The following LNX1 variants were observed in gnomAD, a reference collection of about 807,000 sequenced individuals.
LNX1 encodes the protein E3 ubiquitin-protein ligase LNX.
In LNX1, 54 loss-of-function variants were observed where a neutral mutation model predicts 68.4. That is an observed-to-expected ratio of 0.79 (90% CI 0.63 to 0.99). The LOEUF (loss-of-function observed/expected upper bound fraction) is 0.99. LNX1 is among the 50% of genes least tolerant of loss of function. LNX1 has a pLI of 0.00. For missense variants in LNX1, 906 were observed against 926.4 expected (o/e 0.98, Z 0.29); for synonymous variants, 336 against 350.0 (o/e 0.96, Z 0.45).
intron 2 of LNX1, among the ~76,000 whole-genome samples, chr4:53,516,158 C>G (rs1002895665): frequency 6.6e-6 from 1 of 152,126 alleles, no homozygotes; most frequent in African/African-American, 2.4e-5. Context: ...AGGAGGACTG[C>G]TTGAGCCCAG....
At chr4:53,468,162 C>G (rs1722849556) in intron 9 of LNX1, among the ~76,000 whole-genome samples, 1 of 152,124 alleles carries the variant, frequency 6.6e-6, no homozygotes, top group Non-Finnish European at 1.5e-5. Context: ...ACTCTACAAG[C>G]CAGAAGAGAG....
At chr4:53,475,292 A>T (rs1234215911) in intron 9 of LNX1, among the ~76,000 whole-genome samples, 1 of 152,250 alleles carries the variant, frequency 6.6e-6, no homozygotes, top group Non-Finnish European at 1.5e-5. Flanking sequence ...AAAGATTTTT[A>T]AAAATAAAAC....
intron 6 of LNX1, among the ~76,000 whole-genome samples, chr4:53,482,584 T>C (rs1437467577): frequency 6.6e-6 from 1 of 152,208 alleles, no homozygotes; most frequent in Non-Finnish European, 1.5e-5. Flanking sequence ...AGGCCATTAT[T>C]TTAAGTGAAG....
chr4:53,570,588 A>G (rs1731078718), intron 2 of LNX1, among the ~76,000 whole-genome samples: 1 of 151,634 alleles, frequency 6.6e-6, no homozygotes, highest in Non-Finnish European at 1.5e-5. Flanking sequence ...TGGGTGCAGC[A>G]CACCAGCATG....
At chr4:53,498,251 T>G (rs1378048304) in intron 5 of LNX1, among the ~76,000 whole-genome samples, 1 of 152,142 alleles carries the variant, frequency 6.6e-6, no homozygotes, top group African/African-American at 2.4e-5. Context: ...AAAAACAATT[T>G]AAGAAAATAT....
rs566455165 is a variant in LNX1 at position 53,471,030 on chromosome 4, C to G, written c.1892+5723G>C. Among the ~76,000 whole-genome samples the G allele has an allele frequency of 5.1e-5, 5 of 98,634 alleles. 1 individual carries two copies. The highest frequency in any genetic ancestry group is 1.1e-4 in the Non-Finnish European group (5 of 45,404). The allele number at this position is 98,634 out of a possible 152,430, so 64.7% of individuals were successfully genotyped here. Reference sequence around the variant, plus strand: ...GGAACCAAAAAAGAGCCCGCATTGCCAAGTCAATCCTAAGCCAAAGGAACA... The same window carrying G: ...GGAACCAAAAAAGAGCCCGCATTGCGAAGTCAATCCTAAGCCAAAGGAACA... On this transcript the variant is annotated intron_variant, in intron 9 of 10. Transcript: ENST00000263925.
intron 1 of LNX1, among the ~76,000 whole-genome samples, chr4:53,648,356 C>G (rs1329064444): frequency 6.6e-6 from 1 of 152,130 alleles, no homozygotes; most frequent in East Asian, 1.9e-4. Context: ...TTTTTCCTAA[C>G]CATTAGTGAT....
rs1451339152 is a variant in LNX1 at position 53,472,681 on chromosome 4, ACAAC to A, written c.1892+4068_1892+4071del. Among the ~76,000 whole-genome samples, 573 of 80,730 alleles carry A rather than the reference ACAAC, an allele frequency of 7.1e-3. 10 individuals carry two copies. The highest frequency in any genetic ancestry group is 0.021 in the African/African-American group (512 of 24,222). 53.0% of individuals were successfully genotyped at this position (80,730 alleles called of 152,430 possible). On this transcript the variant is annotated intron_variant, in intron 9 of 10. Transcript: ENST00000263925. ...GATTTATTCAACAACAACAACAACA[ACAAC>A]AAAAAAAAAAAAAACAAAAAACAAT...
Position 53,573,854 on chromosome 4 carries a change from T to A in LNX1, c.149A>T (p.Asp50Val), listed in dbSNP as rs375392169. 2 of 1,613,378 alleles carry A rather than the reference T, an allele frequency of 1.2e-6. No homozygotes were observed. Among genetic ancestry groups the A allele is most frequent in the Non-Finnish European group, 1.7e-6 (2 of 1,179,776 alleles). The change falls in exon 2 of 11, where the codon GAC (aspartate) becomes GTC (valine). Residue 50 changes from aspartate (D) to valine (V), a missense_variant. Physicochemically the swap from Asp to Val is radical, Grantham distance 152 (BLOSUM62 -3). Transcript: ENST00000263925. ...GTGTCCACACGGAGTGTCCAGGGGG[T>A]CCAGCAAAGCCTGCAGGCAGATGTG... ...ICHICLQALLDPLDTPCGHTY... is the reference protein window; with the variant it reads ...ICHICLQALLVPLDTPCGHTY...
intron 4 of LNX1, 69 bp downstream of exon 4, chr4:53,507,248 T>G: frequency 6.6e-7 from 1 of 1,518,884 alleles, no homozygotes; most frequent in Non-Finnish European, 8.9e-7. Flanking sequence ...GTGATCAGAT[T>G]GCGTCATCCC....
intron 2 of LNX1, among the ~76,000 whole-genome samples, chr4:53,566,791 A>G (rs1380260303): frequency 6.0e-5 from 9 of 149,710 alleles, no homozygotes; most frequent in African/African-American, 2.0e-4. Flanking sequence ...TCAAAATAAA[A>G]GGATGGAGGA....
intron 2 of LNX1, among the ~76,000 whole-genome samples, chr4:53,533,476 G>A (rs1380371743): frequency 1.1e-4 from 16 of 152,124 alleles, no homozygotes; most frequent in Non-Finnish European, 1.0e-4. Context: ...TCAGCTCACC[G>A]CAACTTTTGC....
At chr4:53,473,398 A>G (rs901444377) in intron 9 of LNX1, among the ~76,000 whole-genome samples, 1 of 152,234 alleles carries the variant, frequency 6.6e-6, no homozygotes, top group African/African-American at 2.4e-5. Context: ...TACAGAATCA[A>G]CCTAAATGCC....
chr4:53,553,926 A>T (rs1311257281), intron 2 of LNX1, among the ~76,000 whole-genome samples: 1 of 152,232 alleles, frequency 6.6e-6, no homozygotes, highest in Non-Finnish European at 1.5e-5. Flanking sequence ...GACCCTGTAT[A>T]GCAGACACAC....
At chr4:53,511,457 T>A (rs761194906) in intron 2 of LNX1, among the ~76,000 whole-genome samples, 1 of 152,148 alleles carries the variant, frequency 6.6e-6, no homozygotes. Flanking sequence ...CAGATGGTGA[T>A]GGGTGATGGC....
At chr4:53,570,987 A>G (rs373693978) in intron 2 of LNX1, among the ~76,000 whole-genome samples, 1 of 151,528 alleles carries the variant, frequency 6.6e-6, no homozygotes, top group East Asian at 1.9e-4. Flanking sequence ...AGATCGCGCC[A>G]CTGCACTCCA....
intron 2 of LNX1, among the ~76,000 whole-genome samples, chr4:53,509,601 G>T (rs1450016786): frequency 6.6e-6 from 1 of 152,200 alleles, no homozygotes; most frequent in Non-Finnish European, 1.5e-5. Context: ...TCGACATTAA[G>T]TCTTATCAGG....
At chr4:53,574,155 A>C in intron 1 of LNX1, 67 bp from the exon 2 acceptor site, 3 of 1,179,270 alleles carry the variant, frequency 2.5e-6, no homozygotes, top group Non-Finnish European at 3.5e-6. Flanking sequence ...TATGGTAGAC[A>C]TGAGACAGGG....
intron 1 of LNX1, among the ~76,000 whole-genome samples, chr4:53,590,885 C>T (rs1732467567): frequency 1.3e-5 from 2 of 151,848 alleles, no homozygotes; most frequent in South Asian, 4.2e-4. Flanking sequence ...AATAGGGCAA[C>T]AGAATTTGCC....
Sources: gnomAD v4.1 joint callset for allele counts (sites outside exome capture counted in the v4.1 genomes callset) on GRCh38, gnomAD v4.1.1 for gene constraint, MANE v1.5 for transcripts, NCBI Gene and HGNC (gene_info 2026-07-23, HGNC 2026-07-21) for gene names.